Variants in CNTNAP2 observed in about 807,000 individuals in gnomAD.
CNTNAP2 encodes contactin-associated protein-like 2.
Under a neutral mutation model 155.2 loss-of-function variants are expected in CNTNAP2, and 98 were observed. That is an observed-to-expected ratio of 0.63 (90% confidence interval 0.54 to 0.75). CNTNAP2 has a LOEUF of 0.75. CNTNAP2 is among the 30% of genes least tolerant of loss of function. CNTNAP2 has a pLI of 0.00. For synonymous variants in CNTNAP2, 651 were observed against 631.2 expected, an observed-to-expected ratio of 1.03 and a Z score of -0.47; for missense variants, 1,727 against 1,688.1, an observed-to-expected ratio of 1.02 and a Z score of -0.40.
intron 4 of CNTNAP2, among the ~76,000 whole-genome samples, chr7:147,099,149 G>A (rs1299051999): frequency 6.6e-6 from 1 of 152,124 alleles, no homozygotes; most frequent in Non-Finnish European, 1.5e-5. Context: ...ATTCCAGTGA[G>A]TTCTGGGGCA....
chr7:146,751,743 G>A (rs7808964), intron 1 of CNTNAP2, among the ~76,000 whole-genome samples: 50,651 of 151,572 alleles, frequency 0.33, 10,501 homozygotes, highest in African/African-American at 0.59. Context: ...CCCCACATGC[G>A]TTAGGTATTT....
At chr7:146,230,185 T>A (rs905930537) in intron 1 of CNTNAP2, among the ~76,000 whole-genome samples, 11 of 152,198 alleles carry the variant, frequency 7.2e-5, no homozygotes, top group Non-Finnish European at 1.3e-4. Flanking sequence ...ATGCCCTAAC[T>A]ATAGGTAGGG....
chr7:147,714,462 C>CAA (rs572649994), intron 13 of CNTNAP2, among the ~76,000 whole-genome samples: 2,464 of 143,092 alleles, frequency 0.017, 219 homozygotes, highest in Admixed American at 0.16. Flanking sequence ...AGTTTTTGTT[C>CAA]AAAAAAAAAA....
At chr7:148,153,707 T>G (rs1805348735) in intron 17 of CNTNAP2, among the ~76,000 whole-genome samples, 1 of 151,680 alleles carries the variant, frequency 6.6e-6, no homozygotes, top group Non-Finnish European at 1.5e-5. Context: ...ATACAAGGAG[T>G]TTGGAGCCCT....
intron 1 of CNTNAP2, among the ~76,000 whole-genome samples, chr7:146,446,475 A>C (rs576727225): frequency 6.6e-6 from 1 of 152,246 alleles, no homozygotes; most frequent in African/African-American, 2.4e-5. Flanking sequence ...TTTCTTCAGA[A>C]CACTGTGATG....
intron 1 of CNTNAP2, among the ~76,000 whole-genome samples, chr7:146,701,658 T>C (rs192615699): frequency 1.3e-5 from 2 of 150,260 alleles, no homozygotes; most frequent in Non-Finnish European, 1.5e-5. Context: ...GTTAAATTTT[T>C]GTATATACAC....
At chr7:147,381,439 C>T (rs1796534305) in intron 9 of CNTNAP2, among the ~76,000 whole-genome samples, 1 of 151,994 alleles carries the variant, frequency 6.6e-6, no homozygotes, top group Admixed American at 6.6e-5. Context: ...ACTGTATCTG[C>T]CGATGTTTTA....
chr7:146,374,402 G>T (rs1272248837), intron 1 of CNTNAP2, among the ~76,000 whole-genome samples: 4 of 152,096 alleles, frequency 2.6e-5, no homozygotes, highest in Admixed American at 2.6e-4. Flanking sequence ...TAAAAGATCA[G>T]TTATCCTTAT....
intron 3 of CNTNAP2, among the ~76,000 whole-genome samples, chr7:147,035,808 C>T (rs1799142604): frequency 6.6e-6 from 1 of 152,132 alleles, no homozygotes; most frequent in Non-Finnish European, 1.5e-5. Context: ...AATAAATATA[C>T]TTATTCTCAT....
chr7:147,079,050 G>T (rs184827537), intron 4 of CNTNAP2, among the ~76,000 whole-genome samples: 1 of 151,988 alleles, frequency 6.6e-6, no homozygotes, highest in Admixed American at 6.6e-5. Flanking sequence ...TGGCCTGGCC[G>T]TCTTATTTAA....
At chr7:147,527,271 C>T (rs1310865909) in intron 11 of CNTNAP2, among the ~76,000 whole-genome samples, 2 of 152,026 alleles carry the variant, frequency 1.3e-5, no homozygotes, top group African/African-American at 4.8e-5. Flanking sequence ...GATCCGCCCA[C>T]CTCGGCCTCC....
intron 1 of CNTNAP2, among the ~76,000 whole-genome samples, chr7:146,491,488 C>T (rs889842868): frequency 1.3e-5 from 2 of 151,452 alleles, no homozygotes; most frequent in East Asian, 1.9e-4. Context: ...CAGATTAGGG[C>T]GTTTTGGAAT....
At chr7:146,687,001 G>T (rs6979220) in intron 1 of CNTNAP2, among the ~76,000 whole-genome samples, 13,837 of 152,116 alleles carry the variant, frequency 0.091, 923 homozygotes, top group African/African-American at 0.18. Flanking sequence ...AATAAGGTGC[G>T]TTAGTTTATA....
intron 15 of CNTNAP2, among the ~76,000 whole-genome samples, chr7:148,077,929 C>A (rs184039839): frequency 2.5e-4 from 38 of 152,248 alleles, no homozygotes; most frequent in African/African-American, 7.7e-4. Flanking sequence ...AAATAAACTC[C>A]TTCTCATACA....
Position 146,808,804 on chromosome 7 carries a change from TTTTC to T in CNTNAP2, c.209-30903_209-30900del, listed in dbSNP as rs1338145733. ...ATAAGTGAGATTGATTGTACAGTAT[TTTTC>T]TTTGTTTATCAAGCTTATATTCATA... On this transcript the variant is annotated intron_variant, in intron 2 of 23. Coordinates refer to ENST00000361727, the MANE Select transcript of CNTNAP2 (RefSeq NM_014141.6). Among the ~76,000 whole-genome samples, 5 of 152,312 alleles carry T rather than the reference TTTTC, an allele frequency of 3.3e-5. No homozygotes were observed. In the South Asian group the frequency reaches 8.3e-4, roughly 25 times the overall value.
chr7:146,750,828 G>A (rs998385149), intron 1 of CNTNAP2, among the ~76,000 whole-genome samples: 8 of 152,010 alleles, frequency 5.3e-5, no homozygotes, highest in Middle Eastern at 3.2e-3. Context: ...AAATTAAATA[G>A]CAAAAATTTT....
At chr7:147,040,701 T>C (rs1333099746) in intron 3 of CNTNAP2, among the ~76,000 whole-genome samples, 4 of 152,052 alleles carry the variant, frequency 2.6e-5, no homozygotes, top group Admixed American at 2.6e-4. Flanking sequence ...CCTCAAGCGA[T>C]CAGCCCACCT....
intron 15 of CNTNAP2, among the ~76,000 whole-genome samples, chr7:147,989,463 C>G (rs1319900759): frequency 6.6e-6 from 1 of 152,214 alleles, no homozygotes; most frequent in African/African-American, 2.4e-5. Context: ...ATAGTCAGAG[C>G]TCTCTAAGTG....
At chr7:147,171,441 G>T (rs988819766) in intron 8 of CNTNAP2, among the ~76,000 whole-genome samples, 1 of 152,136 alleles carries the variant, frequency 6.6e-6, no homozygotes, top group African/African-American at 2.4e-5. Flanking sequence ...ATGCCTGCAA[G>T]GAAATCAAAA....
Sources: allele counts gnomAD v4.1 joint callset (sites outside exome capture counted in the v4.1 genomes callset), GRCh38; gene constraint gnomAD v4.1.1; transcripts MANE v1.5; gene names NCBI Gene and HGNC (gene_info 2026-07-23, HGNC 2026-07-21).